The following PDE3B variants were observed in gnomAD, a reference collection of about 807,000 sequenced individuals.
PDE3B encodes cGMP-inhibited 3',5'-cyclic phosphodiesterase 3B.
PDE3B carries 66 observed loss-of-function variants against 116.8 expected under a neutral mutation model. The ratio of observed to expected loss-of-function variants is 0.56; its 90% CI spans 0.46 to 0.69. The LOEUF is 0.69. Among genes scored for constraint, PDE3B ranks in the 30% least tolerant of loss-of-function variants. The pLI, the probability that PDE3B is intolerant of heterozygous loss-of-function variation, is 0.00. For synonymous variants in PDE3B, 595 were observed against 533.6 expected (o/e 1.12, Z -1.59); for missense variants, 1,384 against 1,368.1 (o/e 1.01, Z -0.18).
At chr11:14,780,965 A>G (rs555293480) in intron 2 of PDE3B, among the ~76,000 whole-genome samples, 2 of 152,342 alleles carry the variant, frequency 1.3e-5, no homozygotes, top group African/African-American at 4.8e-5. Flanking sequence ...GACGTAATGA[A>G]AAATGATAAA....
At chr11:14,711,846 A>G (rs866458362) in intron 1 of PDE3B, among the ~76,000 whole-genome samples, 1 of 152,234 alleles carries the variant, frequency 6.6e-6, no homozygotes, top group African/African-American at 2.4e-5. Context: ...ATAGGAGCCA[A>G]AGATTCACAG....
At chr11:14,694,987 G>A (rs940315509) in intron 1 of PDE3B, among the ~76,000 whole-genome samples, 6 of 151,870 alleles carry the variant, frequency 4.0e-5, no homozygotes, top group African/African-American at 1.5e-4. Flanking sequence ...CTATATAGTC[G>A]CCACACAGAT....
rs994105570 is a variant in PDE3B at position 14,643,962 on chromosome 11, C to G, written c.-114C>G. The G allele has an allele frequency of 3.7e-6, 5 of 1,360,070 alleles. No homozygotes were observed. The highest frequency in any genetic ancestry group is 7.5e-5 in the Admixed American group (2 of 26,550). 84.3% of individuals were successfully genotyped at this position (1,360,070 alleles called of 1,614,324 possible). On this transcript the variant is annotated 5_prime_UTR_variant, in exon 1 of 16. Transcript: ENST00000282096. ...GCCGTGGCGGCCGGCGCAGCCCTGA[C>G]GGGTTGCGAACCAGGGGGCGCCCCG...
At chr11:14,687,387 C>CT (rs1430576435) in intron 1 of PDE3B, among the ~76,000 whole-genome samples, 1 of 151,848 alleles carries the variant, frequency 6.6e-6, no homozygotes, top group Non-Finnish European at 1.5e-5. Context: ...AGTGTGGGAG[C>CT]TTTTTTCTAA....
chr11:14,785,034 T>G (rs1371219937), intron 2 of PDE3B, among the ~76,000 whole-genome samples: 1 of 151,958 alleles, frequency 6.6e-6, no homozygotes, highest in East Asian at 1.9e-4. Flanking sequence ...CAATTAGAGG[T>G]TTTTTTGCCT....
Position 14,815,596 on chromosome 11 carries a change from G to T in PDE3B, c.1523-2587G>T, listed in dbSNP as rs576580143. On this transcript the variant is annotated intron_variant, in intron 5 of 15. Transcript: ENST00000282096. ...ATGGAGCTAGCAAGAAGAATCTCTA[G>T]AGTGAGTCTCTAGCAAGATGGAATT... Among the ~76,000 whole-genome samples, 3 of 152,250 alleles carry T rather than the reference G, an allele frequency of 2.0e-5. No individual in the cohort carries two copies. The East Asian group carries it at 5.8e-4, about 29-fold the overall frequency.
At chr11:14,775,370 C>G (rs1857755842) in intron 2 of PDE3B, 1 of 152,086 alleles carries the variant, frequency 6.6e-6, no homozygotes, top group African/African-American at 2.4e-5. Context: ...CAGTACACTT[C>G]CCCAATACAT....
intron 11 of PDE3B, among the ~76,000 whole-genome samples, chr11:14,842,897 A>C (rs1485758748): frequency 1.3e-5 from 2 of 152,240 alleles, no homozygotes; most frequent in Admixed American, 1.3e-4. Context: ...AATTCTTGTG[A>C]TGGTGTATTG....
At chr11:14,745,807 T>C (rs983642770) in intron 1 of PDE3B, among the ~76,000 whole-genome samples, 1 of 152,206 alleles carries the variant, frequency 6.6e-6, no homozygotes, top group African/African-American at 2.4e-5. Flanking sequence ...AGGAAAAGAA[T>C]TAATGTATAT....
chr11:14,894,973 C>T, the PDE3B span, among the ~76,000 whole-genome samples: 1 of 152,230 alleles, frequency 6.6e-6, no homozygotes, highest in African/African-American at 2.4e-5. Context: ...CTGTATAGGG[C>T]TTTGCCATTT....
chr11:14,760,329 T>C (rs538785876), intron 1 of PDE3B, among the ~76,000 whole-genome samples: 46 of 152,324 alleles, frequency 3.0e-4, no homozygotes, highest in Non-Finnish European at 5.1e-4. Flanking sequence ...TATTTATAGG[T>C]TAAATCATTC....
chr11:14,865,334 G>T (rs1466317612), intron 14 of PDE3B, among the ~76,000 whole-genome samples: 1 of 152,130 alleles, frequency 6.6e-6, no homozygotes, highest in Non-Finnish European at 1.5e-5. Flanking sequence ...CTCCAAAATA[G>T]CAACTACACC....
intron 2 of PDE3B, among the ~76,000 whole-genome samples, chr11:14,778,613 T>TAG (rs1857867596): frequency 6.6e-6 from 1 of 152,160 alleles, no homozygotes; most frequent in Non-Finnish European, 1.5e-5. Context: ...TCCTGACTGT[T>TAG]AGAAGGAAAA....
At chr11:14,773,998 C>T (rs1322975066) in intron 2 of PDE3B, 1 of 152,214 alleles carries the variant, frequency 6.6e-6, no homozygotes, top group African/African-American at 2.4e-5. Context: ...CTATAGATCT[C>T]TACTCTGTTT....
chr11:14,726,858 C>G (rs972609134), intron 1 of PDE3B, among the ~76,000 whole-genome samples: 1 of 152,038 alleles, frequency 6.6e-6, no homozygotes. Context: ...GAAGTAGACT[C>G]CTTTGAGAAG....
chr11:14,787,171 T>C lies in PDE3B; in HGVS notation c.1278+486T>C, dbSNP rs141786843. The stretch of plus-strand genomic sequence containing the variant: ...GAAGATTACTGTAGCCCAGTAGGCA[T>C]TGATTTTTATATCATTAGAATAGAG... On this transcript the variant is annotated intron_variant, in intron 3 of 15. Transcript: ENST00000282096. Among the ~76,000 whole-genome samples the C allele has an allele frequency of 4.0e-4, 60 of 151,362 alleles. No individual in the cohort carries two copies. In the East Asian group the frequency reaches 9.8e-3, roughly 25 times the overall value.
At chr11:14,786,814 G>T in intron 3 of PDE3B, 129 bp downstream of exon 3, 1 of 660,944 alleles carries the variant, frequency 1.5e-6, no homozygotes, top group Non-Finnish European at 2.6e-6. Context: ...GAGCTGCTTG[G>T]GATGTTAGAG....
At chr11:14,821,694 GATC>G (rs948658989) in intron 7 of PDE3B, among the ~76,000 whole-genome samples, 1 of 151,990 alleles carries the variant, frequency 6.6e-6, no homozygotes, top group Non-Finnish European at 1.5e-5. Flanking sequence ...AATACTTCCA[GATC>G]ATCATCTAAT....
chr11:14,648,449 C>T lies in PDE3B; in HGVS notation c.978+3396C>T, dbSNP rs938223014. The stretch of plus-strand genomic sequence containing the variant: ...CCTAAGGAATTTGCAAGGCATAATT[C>T]CCTGTTAATTTCTTTAAGAATACTG... On this transcript the variant is annotated intron_variant, in intron 1 of 15. Transcript: ENST00000282096. Among the ~76,000 whole-genome samples, 5 of 151,734 alleles carry T rather than the reference C, an allele frequency of 3.3e-5. No homozygotes were observed. In the South Asian group the frequency reaches 8.3e-4, roughly 25 times the overall value.
Sources: allele counts gnomAD v4.1 joint callset (sites outside exome capture counted in the v4.1 genomes callset), GRCh38; gene constraint gnomAD v4.1.1; transcripts MANE v1.5; gene names NCBI Gene and HGNC (gene_info 2026-07-23, HGNC 2026-07-21).